Variants in PLPP3 observed in about 807,000 individuals in gnomAD.
PLPP3 encodes PAP2 beta.
In PLPP3, 6 loss-of-function variants were observed where a neutral mutation model predicts 29.6. The observed-to-expected ratio is 0.20, with a 90% CI of 0.11 to 0.40. The LOEUF (loss-of-function observed/expected upper bound fraction) is 0.40. PLPP3 is among the 10% of genes least tolerant of loss of function. The pLI, the probability that PLPP3 is intolerant of heterozygous loss-of-function variation, is 1.00. For missense variants in PLPP3, 308 were observed against 407.7 expected (o/e 0.76, Z 2.11); for synonymous variants, 152 against 159.7 (o/e 0.95, Z 0.36).
chr1:56,540,525 C>G (rs1396454038), intron 1 of PLPP3, among the ~76,000 whole-genome samples: 1 of 152,158 alleles, frequency 6.6e-6, no homozygotes, highest in East Asian at 1.9e-4. Context: ...CAGTCCAAAT[C>G]CTTTTTCCTC....
chr1:56,557,899 C>A (rs1646096151), intron 1 of PLPP3, among the ~76,000 whole-genome samples: 1 of 152,178 alleles, frequency 6.6e-6, no homozygotes, highest in African/African-American at 2.4e-5. Context: ...CTCTGCGCTG[C>A]AGCCAAAGCC....
chr1:56,518,298 C>T lies in PLPP3; in HGVS notation c.633+5525G>A, dbSNP rs74752398. On this transcript the variant is annotated intron_variant, in intron 4 of 5. Coordinates refer to ENST00000371250, the MANE Select transcript of PLPP3 (RefSeq NM_003713.5). ...GCTCCAGGGCGCCATACATGCTGAA[C>T]AAAACCTCAATGGCTAACAAGCACA... Among the ~76,000 whole-genome samples, 1,307 of 152,270 alleles carry T rather than the reference C, an allele frequency of 8.6e-3. 15 individuals are homozygous for T. The highest frequency in any genetic ancestry group is 0.03 in the African/African-American group (1,250 of 41,556).
intron 1 of PLPP3, among the ~76,000 whole-genome samples, chr1:56,559,647 G>A (rs1646107996): frequency 6.6e-6 from 1 of 151,956 alleles, no homozygotes; most frequent in Non-Finnish European, 1.5e-5. Context: ...GACACATGGG[G>A]CTAATATCTG....
At chr1:56,547,125 T>C (rs1286671618) in intron 1 of PLPP3, among the ~76,000 whole-genome samples, 1 of 152,214 alleles carries the variant, frequency 6.6e-6, no homozygotes, top group African/African-American at 2.4e-5. Flanking sequence ...GTCATTTGTT[T>C]TCATTTAATA....
intron 2 of PLPP3, among the ~76,000 whole-genome samples, chr1:56,526,678 AT>A (rs1335451599): frequency 6.6e-6 from 1 of 152,156 alleles, no homozygotes; most frequent in African/African-American, 2.4e-5. Context: ...TTTGGGATAA[AT>A]TGGTTTCTGC....
chr1:56,504,610 G>A (rs937428283), intron 5 of PLPP3, among the ~76,000 whole-genome samples: 5 of 152,096 alleles, frequency 3.3e-5, no homozygotes, highest in African/African-American at 1.2e-4. Context: ...AAGTTTTGTT[G>A]TTCTGCATTT....
At chr1:56,538,580 A>C in intron 1 of PLPP3, 1 of 372,526 alleles carries the variant, frequency 2.7e-6, no homozygotes, top group Non-Finnish European at 5.3e-6. Context: ...TAGACATCTA[A>C]GGGAATGGGT....
At chr1:56,497,310 C>G (rs1320995720) in intron 5 of PLPP3, among the ~76,000 whole-genome samples, 1 of 152,180 alleles carries the variant, frequency 6.6e-6, no homozygotes, top group African/African-American at 2.4e-5. Context: ...GGGGATGTGA[C>G]CTCACTGAGT....
At chr1:56,536,491 G>T (rs1186640802) in intron 2 of PLPP3, among the ~76,000 whole-genome samples, 2 of 151,994 alleles carry the variant, frequency 1.3e-5, no homozygotes, top group African/African-American at 4.8e-5. Flanking sequence ...ACAAAGAGGG[G>T]TCTCAAAGTT....
chr1:56,509,068 C>T (rs184041228), intron 5 of PLPP3, among the ~76,000 whole-genome samples: 2 of 152,276 alleles, frequency 1.3e-5, no homozygotes, highest in African/African-American at 4.8e-5. Flanking sequence ...CTCAGTGCTG[C>T]GATTCCAAGC....
chr1:56,559,740 G>C (rs1277368381), intron 1 of PLPP3, among the ~76,000 whole-genome samples: 1 of 152,044 alleles, frequency 6.6e-6, no homozygotes, highest in Non-Finnish European at 1.5e-5. Flanking sequence ...ACCTGCACAA[G>C]GTAAGAGTTT....
chr1:56,519,489 C>G (rs984622288), intron 4 of PLPP3, among the ~76,000 whole-genome samples: 1 of 152,194 alleles, frequency 6.6e-6, no homozygotes, highest in Non-Finnish European at 1.5e-5. Context: ...GCATCATAGT[C>G]CCTCACTAAG....
chr1:56,534,951 G>A (rs1383915181), intron 2 of PLPP3, among the ~76,000 whole-genome samples: 2 of 152,118 alleles, frequency 1.3e-5, no homozygotes, highest in Admixed American at 6.5e-5. Context: ...ATAAGAGTGG[G>A]GGGTGTAGCT....
chr1:56,559,258 G>A (rs1646105044), intron 1 of PLPP3, among the ~76,000 whole-genome samples: 2 of 152,208 alleles, frequency 1.3e-5, no homozygotes, highest in Non-Finnish European at 2.9e-5. Context: ...CTTCCAGGAA[G>A]CAAGGAGACT....
chr1:56,543,517 C>T (rs10789026), intron 1 of PLPP3, among the ~76,000 whole-genome samples: 26,407 of 152,164 alleles, frequency 0.17, 2,521 homozygotes, highest in Admixed American at 0.25. Flanking sequence ...GTCAACACAA[C>T]TATTACTTAG....
intron 1 of PLPP3, among the ~76,000 whole-genome samples, chr1:56,548,001 C>A (rs1187603239): frequency 6.6e-6 from 1 of 152,218 alleles, no homozygotes; most frequent in Non-Finnish European, 1.5e-5. Flanking sequence ...CTCTTCCTTC[C>A]CAGTCCTGAA....
chr1:56,545,989 G>C (rs12134109), intron 1 of PLPP3, among the ~76,000 whole-genome samples: 1 of 152,014 alleles, frequency 6.6e-6, no homozygotes, highest in Non-Finnish European at 1.5e-5. Context: ...CATGGCCCGC[G>C]ATCTAGCTCA....
chr1:56,578,139 T>C (rs1237748482), intron 1 of PLPP3, among the ~76,000 whole-genome samples: 1 of 152,158 alleles, frequency 6.6e-6, no homozygotes, highest in Non-Finnish European at 1.5e-5. Flanking sequence ...ATTAAATTTG[T>C]GGTCCCCAAA....
chr1:56,575,718 G>T (rs956976094), intron 1 of PLPP3, among the ~76,000 whole-genome samples: 4 of 152,180 alleles, frequency 2.6e-5, no homozygotes, highest in Non-Finnish European at 5.9e-5. Context: ...CCTTTTCTGA[G>T]ACATGGTTTC....
Sources: gnomAD v4.1 joint callset for allele counts (sites outside exome capture counted in the v4.1 genomes callset) on GRCh38, gnomAD v4.1.1 for gene constraint, MANE v1.5 for transcripts, NCBI Gene and HGNC (gene_info 2026-07-23, HGNC 2026-07-21) for gene names.